The following WDFY2 variants were observed in gnomAD, a reference collection of about 807,000 sequenced individuals.
WDFY2 encodes WD repeat and FYVE domain-containing protein 2.
In WDFY2, 36 loss-of-function variants were observed where a neutral mutation model predicts 56.4. The observed-to-expected ratio is 0.64, with a 90% CI of 0.49 to 0.84. WDFY2 has a LOEUF of 0.84. Ranked by LOEUF, WDFY2 falls within the 40% of genes least tolerant of loss-of-function variation. The pLI is 0.00. For missense variants in WDFY2, 444 were observed against 512.2 expected (o/e 0.87, Z 1.29); for synonymous variants, 176 against 183.7 (o/e 0.96, Z 0.34).
chr13:51,664,159 T>TG (rs1046363362), intron 2 of WDFY2, among the ~76,000 whole-genome samples: 2 of 152,048 alleles, frequency 1.3e-5, no homozygotes, highest in African/African-American at 4.8e-5. Context: ...TGAGTGATCT[T>TG]GGGGGAGTTG....
chr13:51,712,825 G>A (rs1346660390), intron 4 of WDFY2, among the ~76,000 whole-genome samples: 1 of 151,272 alleles, frequency 6.6e-6, no homozygotes, highest in Admixed American at 6.6e-5. Flanking sequence ...TATATTTAAA[G>A]GATAATATGT....
At chr13:51,678,254 C>T (rs373917053) in intron 3 of WDFY2, among the ~76,000 whole-genome samples, 8 of 152,218 alleles carry the variant, frequency 5.3e-5, no homozygotes, top group South Asian at 2.1e-4. Flanking sequence ...TCCATTAAAC[C>T]GCTGGGTGTT....
chr13:51,752,071 G>A (rs1260397552), intron 8 of WDFY2, among the ~76,000 whole-genome samples: 1 of 152,096 alleles, frequency 6.6e-6, no homozygotes, highest in Non-Finnish European at 1.5e-5. Flanking sequence ...CTTTGACAAT[G>A]CACATTCTTA....
intron 1 of WDFY2, among the ~76,000 whole-genome samples, chr13:51,659,211 G>A (rs1955566926): frequency 6.6e-6 from 1 of 152,198 alleles, no homozygotes; most frequent in Admixed American, 6.5e-5. Context: ...ACAGGTGTGA[G>A]CCACCGCGCA....
intron 7 of WDFY2, among the ~76,000 whole-genome samples, chr13:51,741,481 G>C (rs1018005196): frequency 3.3e-5 from 5 of 152,156 alleles, no homozygotes; most frequent in Non-Finnish European, 5.9e-5. Flanking sequence ...CCAGGGTGGG[G>C]ATAGAGAAGT....
At chr13:51,743,759 C>A (rs556313388) in intron 7 of WDFY2, among the ~76,000 whole-genome samples, 1 of 152,194 alleles carries the variant, frequency 6.6e-6, no homozygotes, top group Non-Finnish European at 1.5e-5. Context: ...AAGGTGGCAC[C>A]GTTCGCCAGT....
intron 2 of WDFY2, among the ~76,000 whole-genome samples, chr13:51,669,083 T>G (rs1593963845): frequency 6.6e-6 from 1 of 152,216 alleles, no homozygotes; most frequent in African/African-American, 2.4e-5. Context: ...ATAGTCACTT[T>G]CCCTCTAATC....
rs80190741 is a variant in WDFY2, at chr13:51,622,927, G to C, written c.138-37669G>C. Among the ~76,000 whole-genome samples the C allele has an allele frequency of 3.8e-3, 563 of 146,672 alleles. 5 individuals are homozygous for C. The highest frequency in any genetic ancestry group is 0.014 in the African/African-American group (536 of 39,420). On this transcript the variant is annotated intron_variant, in intron 1 of 11. Coordinates refer to ENST00000298125, the MANE Select transcript of WDFY2 (RefSeq NM_052950.4). The stretch of plus-strand genomic sequence containing the variant: ...GGCTGGAGTGTGGTGGTACGATCTC[G>C]GCTCACTGCAGCCTCCACCTCCCGG...
At chr13:51,630,743 T>C (rs912474763) in intron 1 of WDFY2, among the ~76,000 whole-genome samples, 2 of 151,614 alleles carry the variant, frequency 1.3e-5, no homozygotes, top group Non-Finnish European at 2.9e-5. Context: ...TAGCTTTCAC[T>C]GAAATTTTTT....
chr13:51,698,911 A>T (rs190719558), intron 3 of WDFY2, among the ~76,000 whole-genome samples: 13 of 152,368 alleles, frequency 8.5e-5, no homozygotes, highest in African/African-American at 2.9e-4. Context: ...TAAACAAAGG[A>T]TAACTATCCC....
intron 8 of WDFY2, chr13:51,752,767 A>G (rs562078622): frequency 7.2e-5 from 11 of 152,232 alleles, no homozygotes; most frequent in Non-Finnish European, 1.0e-4. Context: ...CAGTGAGTCA[A>G]CACTCTAAAT....
intron 1 of WDFY2, among the ~76,000 whole-genome samples, chr13:51,608,057 CT>C (rs1566310182): frequency 1.3e-5 from 2 of 152,138 alleles, no homozygotes; most frequent in African/African-American, 2.4e-5. Context: ...CAGATTCTCC[CT>C]AAGTGCCTCC....
chr13:51,656,869 TGGG>T (rs1444803571), intron 1 of WDFY2, among the ~76,000 whole-genome samples: 1 of 152,038 alleles, frequency 6.6e-6, no homozygotes, highest in Non-Finnish European at 1.5e-5. Context: ...TTTGTGTCTT[TGGG>T]TTTAAAGTAG....
chr13:51,614,052 G>A (rs1236247435), intron 1 of WDFY2, among the ~76,000 whole-genome samples: 1 of 151,890 alleles, frequency 6.6e-6, no homozygotes, highest in East Asian at 1.9e-4. Context: ...TGGGCCTGGT[G>A]GTGGGCGCCT....
intron 3 of WDFY2, among the ~76,000 whole-genome samples, chr13:51,686,952 G>C (rs181552425): frequency 6.6e-6 from 1 of 151,330 alleles, no homozygotes; most frequent in East Asian, 1.9e-4. Context: ...GAGAAATCTA[G>C]TTCCTACTTT....
chr13:51,699,461 C>A lies in WDFY2; in HGVS notation c.280-4135C>A, dbSNP rs192762156. Among the ~76,000 whole-genome samples, 7 of 152,300 alleles carry A rather than the reference C, an allele frequency of 4.6e-5. No individual in the cohort carries two copies. In the East Asian group the frequency reaches 1.2e-3, roughly 25 times the overall value. On this transcript the variant is annotated intron_variant, in intron 3 of 11. Transcript: ENST00000298125. ...TACCCTCACTGCTGCCGATATTGCA[C>A]CTTCAAATAAAGCATTAGACTTACG...
At chr13:51,758,429 T>C (rs1593485854) in intron 11 of WDFY2, 129 bp downstream of exon 11, 1 of 519,624 alleles carries the variant, frequency 1.9e-6, no homozygotes, top group Admixed American at 2.7e-5. Flanking sequence ...CATGTGTCTG[T>C]AGTCCCAGCT....
chr13:51,594,788 A>G (rs994540698), intron 1 of WDFY2, among the ~76,000 whole-genome samples: 2 of 152,186 alleles, frequency 1.3e-5, no homozygotes, highest in African/African-American at 2.4e-5. Flanking sequence ...GGAGGTTTAC[A>G]TGAGATGATC....
Position 51,765,929 on chromosome 13 carries a change from A to C in WDFY2, c.*6160A>C, listed in dbSNP as rs1953732894. 6.6e-6 allele frequency: 1 copy of C among 152,222 alleles called. No individual in the cohort carries two copies. The highest frequency in any genetic ancestry group is 2.4e-5 in the African/African-American group (1 of 41,460). 9.4% of individuals were successfully genotyped at this position (152,222 alleles called of 1,614,324 possible). A position where few individuals can be genotyped will look rare whatever the true frequency, so the allele number is the denominator to read the frequency against. ...AGTGTCAAGAATTGCAGGTTGGCTG[A>C]AAAGTTAGATTGAGAATCTGACCTT... On this transcript the variant is annotated 3_prime_UTR_variant, in exon 12 of 12. Transcript: ENST00000298125.
Sources: gnomAD v4.1 joint callset for allele counts (sites outside exome capture counted in the v4.1 genomes callset) on GRCh38, gnomAD v4.1.1 for gene constraint, MANE v1.5 for transcripts, NCBI Gene and HGNC (gene_info 2026-07-23, HGNC 2026-07-21) for gene names.